FGF1: variants seen among roughly 807,000 people sequenced by gnomAD.
The protein encoded by FGF1 is beta-endothelial cell growth factor.
FGF1 carries 9 observed loss-of-function variants against 13.4 expected under a neutral mutation model. That is an observed-to-expected ratio of 0.67 (90% CI 0.40 to 1.17). The LOEUF is 1.17. Ranked by LOEUF, FGF1 falls within the 50% of genes most tolerant of loss-of-function variation. The probability of loss-of-function intolerance (pLI) is 0.01; values close to 1 mark genes in which losing one functional copy is unlikely to be tolerated. For synonymous variants in FGF1, 93 were observed against 79.0 expected (o/e 1.18, Z -0.94); for missense variants, 156 against 192.7 (o/e 0.81, Z 1.13).
Position 142,696,853 on chromosome 5 carries a change from G to A in FGF1, c.-35+769C>T, listed in dbSNP as rs550332992. 5.3e-5 allele frequency among the ~76,000 whole-genome samples: 8 copies of A among 152,336 alleles called. No individual in the cohort carries two copies. The South Asian group carries it at 1.7e-3, about 32-fold the overall frequency. ...AATTTTGTTGGTTGCTTCTTAGCAT[G>A]GGTATTTGTAGTCCATAGCCCAGGG... On this transcript the variant is annotated intron_variant, in intron 2 of 4. Transcript: ENST00000407758.
chr5:142,672,983 C>T (rs540069607), intron 1 of FGF1, among the ~76,000 whole-genome samples: 6 of 152,324 alleles, frequency 3.9e-5, no homozygotes, highest in Admixed American at 6.5e-5. Context: ...GGACTTACCT[C>T]ATCAGTGATT....
chr5:142,662,375 A>G (rs1769420591), intron 1 of FGF1, among the ~76,000 whole-genome samples: 1 of 152,176 alleles, frequency 6.6e-6, no homozygotes, highest in South Asian at 2.1e-4. Flanking sequence ...ACTTTCTGTA[A>G]TTTTGAGACT....
chr5:142,689,326 C>G (rs576673696), upstream of FGF1, among the ~76,000 whole-genome samples: 1 of 152,304 alleles, frequency 6.6e-6, no homozygotes, highest in Non-Finnish European at 1.5e-5. Context: ...TGTTTATGCC[C>G]AATGAGGCAG....
At chr5:142,678,931 G>A (rs1773166995) in intron 1 of FGF1, among the ~76,000 whole-genome samples, 1 of 152,146 alleles carries the variant, frequency 6.6e-6, no homozygotes. Context: ...AAAACACTTT[G>A]AGGAGTGGCC....
intron 2 of FGF1, among the ~76,000 whole-genome samples, chr5:142,612,790 G>A (rs1426776763): frequency 6.6e-6 from 1 of 152,120 alleles, no homozygotes; most frequent in Non-Finnish European, 1.5e-5. Flanking sequence ...TGGGTGGGGA[G>A]GAAGGAACAA....
At chr5:142,624,132 C>T (rs2151907951) in intron 1 of FGF1, among the ~76,000 whole-genome samples, 1 of 152,210 alleles carries the variant, frequency 6.6e-6, no homozygotes, top group African/African-American at 2.4e-5. Context: ...GTTGGCCAGG[C>T]TGGTCTCGAA....
At chr5:142,688,347 A>G (rs535746971), upstream of FGF1, among the ~76,000 whole-genome samples, 1 of 152,316 alleles carries the variant, frequency 6.6e-6, no homozygotes, top group Non-Finnish European at 1.5e-5. Context: ...TTTAAATAAC[A>G]TATATTGAGA....
intron 2 of FGF1, among the ~76,000 whole-genome samples, chr5:142,606,968 T>A (rs1757818540): frequency 6.6e-6 from 1 of 152,192 alleles, no homozygotes; most frequent in South Asian, 2.1e-4. Context: ...TTTACAAAAT[T>A]TTCATCAGGG....
At chr5:142,660,565 A>G (rs1187212584) in intron 1 of FGF1, among the ~76,000 whole-genome samples, 1 of 152,228 alleles carries the variant, frequency 6.6e-6, no homozygotes, top group Non-Finnish European at 1.5e-5. Context: ...CAGGAGCAGC[A>G]GAAATCTGGA....
At chr5:142,696,241 G>T (rs971828976) in intron 2 of FGF1, among the ~76,000 whole-genome samples, 5 of 152,190 alleles carry the variant, frequency 3.3e-5, no homozygotes, top group Admixed American at 2.6e-4. Context: ...GCATGTAAGA[G>T]GGAGGAGCTG....
chr5:142,691,798 A>G (rs927165979), intron 2 of FGF1, among the ~76,000 whole-genome samples: 1 of 152,250 alleles, frequency 6.6e-6, no homozygotes, highest in African/African-American at 2.4e-5. Context: ...AGTCTTGACG[A>G]TGCCTGGCAT....
In FGF1 at chr5:142,595,440, C is replaced by T; in HGVS notation, c.318G>A (p.Glu106=). The change falls in exon 4 of 4, where the codon GAG becomes GAA. Residue 106 remains glutamate (E), a synonymous_variant. Coordinates refer to ENST00000337706, the MANE Select transcript of FGF1 (RefSeq NM_000800.5). Reference sequence around the variant, plus strand: ...TGGATATATAGGTGTTGTAATGGTTCTCCTCCAGCCTTTCCAGGAACAAAC... The same window carrying T: ...TGGATATATAGGTGTTGTAATGGTTTTCCTCCAGCCTTTCCAGGAACAAAC... The part of the protein sequence containing the change: ...EECLFLERLE[E]NHYNTYISKK... The T allele has an allele frequency of 6.2e-7, 1 of 1,613,926 alleles. No homozygotes were observed. Among genetic ancestry groups the T allele is most frequent in the South Asian group, 1.1e-5 (1 of 91,042 alleles).
intron 1 of FGF1, among the ~76,000 whole-genome samples, chr5:142,681,809 T>C (rs929890690): frequency 6.6e-6 from 1 of 152,186 alleles, no homozygotes; most frequent in Non-Finnish European, 1.5e-5. Flanking sequence ...CCTGCATCTA[T>C]AACAGCCCCT....
At chr5:142,648,380 C>G (rs1374481019) in intron 1 of FGF1, among the ~76,000 whole-genome samples, 1 of 151,916 alleles carries the variant, frequency 6.6e-6, no homozygotes, top group Non-Finnish European at 1.5e-5. Context: ...AGCTGGAAAC[C>G]ATCATTCTCA....
intron 2 of FGF1, among the ~76,000 whole-genome samples, chr5:142,602,325 C>T (rs1420898730): frequency 1.3e-5 from 2 of 151,992 alleles, no homozygotes; most frequent in Non-Finnish European, 2.9e-5. Flanking sequence ...TACAGGCATG[C>T]ACCACCATGC....
At chr5:142,626,643 T>C (rs1440612405) in intron 1 of FGF1, 1 of 152,266 alleles carries the variant, frequency 6.6e-6, no homozygotes. Flanking sequence ...AATGGAACTT[T>C]GCAAGTTCCT....
At chr5:142,621,637 A>G (rs1761650646) in intron 1 of FGF1, among the ~76,000 whole-genome samples, 1 of 151,924 alleles carries the variant, frequency 6.6e-6, no homozygotes, top group Non-Finnish European at 1.5e-5. Context: ...TGTAATTCCC[A>G]TCTATATCCC....
intron 1 of FGF1, among the ~76,000 whole-genome samples, chr5:142,667,362 G>A (rs888292234): frequency 3.4e-4 from 51 of 152,080 alleles, no homozygotes; most frequent in African/African-American, 9.4e-4. Flanking sequence ...CGAGGTGGGC[G>A]GGTCATGAGG....
At chr5:142,619,368 A>G (rs1258759002) in intron 1 of FGF1, among the ~76,000 whole-genome samples, 1 of 152,210 alleles carries the variant, frequency 6.6e-6, no homozygotes, top group African/African-American at 2.4e-5. Flanking sequence ...AATTGGATGT[A>G]TCCTCAAACC....
Sources: allele counts gnomAD v4.1 joint callset (sites outside exome capture counted in the v4.1 genomes callset), GRCh38; gene constraint gnomAD v4.1.1; transcripts MANE v1.5; gene names NCBI Gene and HGNC (gene_info 2026-07-23, HGNC 2026-07-21).